Variants in TIMD4 observed in about 807,000 individuals in gnomAD.
TIMD4 encodes T cell immunoglobulin and mucin domain containing 4.
TIMD4 carries 31 observed loss-of-function variants against 41.2 expected under a neutral mutation model. That is an observed-to-expected ratio of 0.75 (90% CI 0.57 to 1.01). The LOEUF is 1.01. Among genes scored for constraint, TIMD4 ranks in the 50% least tolerant of loss-of-function variants. The pLI, the probability that TIMD4 is intolerant of heterozygous loss-of-function variation, is 0.00. For synonymous variants in TIMD4, 204 were observed against 177.1 expected, an observed-to-expected ratio of 1.15 and a Z score of -1.21; for missense variants, 479 against 472.5, an observed-to-expected ratio of 1.01 and a Z score of -0.13.
At chr5:156,947,481 CA>C (rs1759766380) in intron 5 of TIMD4, among the ~76,000 whole-genome samples, 1 of 152,158 alleles carries the variant, frequency 6.6e-6, no homozygotes, top group African/African-American at 2.4e-5. Context: ...GGGAGGTATG[CA>C]TGTGCTAGGA....
At chr5:156,950,560 T>A (rs1468005747) in intron 3 of TIMD4, among the ~76,000 whole-genome samples, 1 of 152,208 alleles carries the variant, frequency 6.6e-6, no homozygotes, top group Non-Finnish European at 1.5e-5. Context: ...CTTCAAGCTA[T>A]CTCATGATTG....
At chr5:156,929,043 C>CTTT (rs1366946577) in intron 5 of TIMD4, among the ~76,000 whole-genome samples, 1 of 152,026 alleles carries the variant, frequency 6.6e-6, no homozygotes, top group African/African-American at 2.4e-5. Flanking sequence ...TTTTTTCTTT[C>CTTT]TTCTTCTTCT....
chr5:156,951,576 A>G lies in TIMD4; in HGVS notation c.615T>C (p.Leu205=), dbSNP rs754896297. 220 of 1,613,980 alleles carry G rather than the reference A, an allele frequency of 1.4e-4. No individual in the cohort carries two copies. The highest frequency in any genetic ancestry group is 4.4e-4 in the South Asian group (40 of 91,082). The change falls in exon 3 of 9, where the codon CTT becomes CTC. Residue 205 remains leucine, a synonymous_variant. Transcript: ENST00000274532. ...NTCLSLTPST[L]PEEATGLLTP... is the part of the protein sequence containing the mutation. ...TCAGAAGACCTGTGGCTTCCTCCGGAAGGGTGCTTGGGGTTAGTGAAAGGC... is the reference window on the plus strand; with the variant it reads ...TCAGAAGACCTGTGGCTTCCTCCGGGAGGGTGCTTGGGGTTAGTGAAAGGC...
chr5:156,954,032 A>G (rs946604129), intron 2 of TIMD4, among the ~76,000 whole-genome samples: 1 of 152,238 alleles, frequency 6.6e-6, no homozygotes, highest in Non-Finnish European at 1.5e-5. Flanking sequence ...GTGACCCCTG[A>G]ATACATTTTA....
At position 156,948,948 on chromosome 5, in the gene TIMD4, G is replaced by A. The variant is rs1759798066; in HGVS notation, c.761-449C>T. Among the ~76,000 whole-genome samples, 3 of 152,182 alleles carry A rather than the reference G, an allele frequency of 2.0e-5. No individual in the cohort carries two copies. In the South Asian group the frequency reaches 6.2e-4, roughly 32 times the overall value. On this transcript the variant is annotated intron_variant, in intron 4 of 8. Transcript: ENST00000274532. ...TTATGGTAACACCTCCCATGTGAGT[G>A]CTTACAAATGTGCCAGGCACTCTTC...
intron 7 of TIMD4, 39 bp from the exon 8 acceptor site, chr5:156,920,542 G>A (rs766571726): frequency 2.0e-5 from 32 of 1,610,038 alleles, no homozygotes; most frequent in East Asian, 8.9e-5. Context: ...GAGTGGCTGC[G>A]GTGCATAGAA....
At chr5:156,921,201 C>A (rs1046278499) in intron 7 of TIMD4, among the ~76,000 whole-genome samples, 1 of 152,006 alleles carries the variant, frequency 6.6e-6, no homozygotes, top group Admixed American at 6.6e-5. Flanking sequence ...CAGACCTTGT[C>A]CCCTGAAAAA....
intron 5 of TIMD4, among the ~76,000 whole-genome samples, chr5:156,931,044 G>T (rs973483156): frequency 6.6e-6 from 1 of 152,204 alleles, no homozygotes; most frequent in African/African-American, 2.4e-5. Flanking sequence ...CAGAGGATGT[G>T]TGATAAAGGA....
At chr5:156,940,185 T>C (rs921974870) in intron 5 of TIMD4, among the ~76,000 whole-genome samples, 29 of 152,280 alleles carry the variant, frequency 1.9e-4, no homozygotes, top group Non-Finnish European at 4.0e-4. Flanking sequence ...CTCCAGCTCC[T>C]GACCTCGAGT....
chr5:156,958,603 G>T (rs1446345348), intron 1 of TIMD4, among the ~76,000 whole-genome samples: 2 of 152,086 alleles, frequency 1.3e-5, no homozygotes, highest in African/African-American at 4.8e-5. Flanking sequence ...AGTGAAATGG[G>T]GATATGAATT....
intron 5 of TIMD4, among the ~76,000 whole-genome samples, chr5:156,935,287 C>T (rs1359181742): frequency 2.0e-5 from 3 of 152,000 alleles, no homozygotes; most frequent in Non-Finnish European, 4.4e-5. Context: ...ACGTATTTTG[C>T]TGACCTCTAC....
At chr5:156,948,129 A>G (rs1199573904) in intron 5 of TIMD4, among the ~76,000 whole-genome samples, 3 of 152,120 alleles carry the variant, frequency 2.0e-5, no homozygotes, top group Non-Finnish European at 4.4e-5. Flanking sequence ...GCCACGAAGG[A>G]GCCAGAATAG....
intron 5 of TIMD4, among the ~76,000 whole-genome samples, chr5:156,933,061 T>C (rs1759472600): frequency 6.6e-6 from 1 of 151,500 alleles, no homozygotes; most frequent in Non-Finnish European, 1.5e-5. Flanking sequence ...CCATTTCACA[T>C]TGTTCTATCG....
intron 5 of TIMD4, among the ~76,000 whole-genome samples, chr5:156,942,358 C>G (rs1001081977): frequency 5.9e-5 from 9 of 152,222 alleles, no homozygotes; most frequent in Admixed American, 2.6e-4. Flanking sequence ...TGCCTTAGCT[C>G]TCTTCCTAAC....
At chr5:156,929,636 G>C (rs533325670) in intron 5 of TIMD4, among the ~76,000 whole-genome samples, 6 of 152,310 alleles carry the variant, frequency 3.9e-5, no homozygotes, top group African/African-American at 1.4e-4. Context: ...GAAGAGGCAA[G>C]GAAGGGTTCT....
chr5:156,939,343 G>C (rs2113364793), intron 5 of TIMD4, among the ~76,000 whole-genome samples: 1 of 152,108 alleles, frequency 6.6e-6, no homozygotes, highest in East Asian at 1.9e-4. Flanking sequence ...GCCAAGCCTT[G>C]GCATATAATA....
chr5:156,949,645 G>A lies in TIMD4; in HGVS notation c.760+6C>T. On this transcript the variant is annotated splice_donor_region_variant and intron_variant, in intron 4 of 8. Transcript: ENST00000274532. Reference sequence around the variant, plus strand: ...GGGAGGACAGAGAGAGTGAGTGTCTGCACACCTTTGGATGTCAGCAGGACA... The same window carrying A: ...GGGAGGACAGAGAGAGTGAGTGTCTACACACCTTTGGATGTCAGCAGGACA... The A allele has an allele frequency of 6.2e-7, 1 of 1,607,274 alleles. No individual in the cohort carries two copies. Among genetic ancestry groups the A allele is most frequent in the Non-Finnish European group, 8.5e-7 (1 of 1,173,962 alleles).
chr5:156,953,404 C>G (rs1332551537), intron 2 of TIMD4, among the ~76,000 whole-genome samples: 2 of 151,814 alleles, frequency 1.3e-5, no homozygotes, highest in African/African-American at 4.8e-5. Context: ...GCTTGTAATC[C>G]CAGCACTTTG....
chr5:156,930,006 G>A (rs947086425), intron 5 of TIMD4, among the ~76,000 whole-genome samples: 3 of 152,002 alleles, frequency 2.0e-5, no homozygotes, highest in South Asian at 2.1e-4. Flanking sequence ...AGTCTCGCTC[G>A]GTCACCCAGG....
Sources: gnomAD v4.1 joint callset for allele counts (sites outside exome capture counted in the v4.1 genomes callset) on GRCh38, gnomAD v4.1.1 for gene constraint, MANE v1.5 for transcripts, NCBI Gene and HGNC (gene_info 2026-07-23, HGNC 2026-07-21) for gene names.